The following GRM7 variants were observed in gnomAD, a reference collection of about 807,000 sequenced individuals.
GRM7 encodes glutamate metabotropic receptor 7.
GRM7 carries 35 observed loss-of-function variants against 84.5 expected under a neutral mutation model. The ratio of observed to expected loss-of-function variants is 0.41; its 90% CI spans 0.32 to 0.55. The LOEUF is 0.55. Ranked by LOEUF, GRM7 falls within the 20% of genes least tolerant of loss-of-function variation. GRM7 has a pLI of 0.19. For synonymous variants in GRM7, 487 were observed against 455.1 expected (o/e 1.07, Z -0.89); for missense variants, 1,003 against 1,194.6 (o/e 0.84, Z 2.36).
intron 2 of GRM7, among the ~76,000 whole-genome samples, chr3:7,201,109 A>G (rs917011410): frequency 4.0e-5 from 6 of 151,388 alleles, no homozygotes; most frequent in African/African-American, 9.7e-5. Flanking sequence ...GGCTGGGACT[A>G]CAGACACCCA....
At chr3:7,521,149 G>C (rs567583826) in intron 7 of GRM7, among the ~76,000 whole-genome samples, 5 of 152,318 alleles carry the variant, frequency 3.3e-5, no homozygotes, top group African/African-American at 1.2e-4. Flanking sequence ...TATATTTGTA[G>C]TTTGAGCTTA....
chr3:7,203,546 T>C (rs1696136115), intron 2 of GRM7, among the ~76,000 whole-genome samples: 1 of 152,202 alleles, frequency 6.6e-6, no homozygotes, highest in African/African-American at 2.4e-5. Flanking sequence ...ATAATGCTGC[T>C]CTAAACATGT....
intron 1 of GRM7, among the ~76,000 whole-genome samples, chr3:7,010,497 C>G (rs1018993670): frequency 2.0e-5 from 3 of 152,126 alleles, no homozygotes; most frequent in African/African-American, 7.2e-5. Context: ...CTAAACTGAT[C>G]TAATAGGATT....
intron 2 of GRM7, among the ~76,000 whole-genome samples, chr3:7,161,921 C>A (rs1694636871): frequency 6.6e-6 from 1 of 152,154 alleles, no homozygotes; most frequent in African/African-American, 2.4e-5. Flanking sequence ...GGCTTAGAAA[C>A]AGGGCGAATG....
At chr3:7,040,196 G>A (rs921849566) in intron 1 of GRM7, among the ~76,000 whole-genome samples, 5 of 152,104 alleles carry the variant, frequency 3.3e-5, no homozygotes, top group Non-Finnish European at 4.4e-5. Flanking sequence ...TAGTTCCAGC[G>A]TCTCTACAAC....
At chr3:7,610,476 A>G (rs924227494) in intron 8 of GRM7, among the ~76,000 whole-genome samples, 4 of 152,116 alleles carry the variant, frequency 2.6e-5, no homozygotes, top group African/African-American at 9.7e-5. Flanking sequence ...GTCATAAGGT[A>G]TTTTTCATTT....
chr3:7,495,556 C>A (rs951447844), intron 7 of GRM7, among the ~76,000 whole-genome samples: 2 of 152,068 alleles, frequency 1.3e-5, no homozygotes, highest in Non-Finnish European at 1.5e-5. Context: ...ACTGGTTTGG[C>A]CTTCCCTGCC....
At chr3:7,070,386 C>G (rs374046186) in intron 1 of GRM7, among the ~76,000 whole-genome samples, 2 of 152,092 alleles carry the variant, frequency 1.3e-5, no homozygotes, top group African/African-American at 2.4e-5. Context: ...ATGCTTAACA[C>G]TTTTCTTCTG....
chr3:6,902,083 C>T (rs1190586299), intron 1 of GRM7, among the ~76,000 whole-genome samples: 2 of 152,102 alleles, frequency 1.3e-5, no homozygotes, highest in African/African-American at 4.8e-5. Flanking sequence ...GACTTTATTA[C>T]GAAGTGAGTT....
chr3:7,377,724 C>G (rs1327146441), intron 4 of GRM7, among the ~76,000 whole-genome samples: 2 of 152,032 alleles, frequency 1.3e-5, no homozygotes, highest in African/African-American at 4.8e-5. Flanking sequence ...GTAAAAGACA[C>G]CAATTCTTCA....
At chr3:6,956,537 T>A (rs754178228) in intron 1 of GRM7, 1 of 455,780 alleles carries the variant, frequency 2.2e-6, no homozygotes, top group South Asian at 1.6e-5. Flanking sequence ...CTGTGGCATA[T>A]TTTCCACACT....
At position 7,709,336 on chromosome 3, in the gene GRM7, T is replaced by TCACAAGGAA. The variant is rs762410351; in HGVS notation, c.2698+29041_2698+29042insCACAAGGAA. ...AAACTTTGATAGAAAAATGGCATAGTTTGGAACAGAGAGTTTGGGTCAATA... is the reference window on the plus strand; with the variant it reads ...AAACTTTGATAGAAAAATGGCATAGTCACAAGGAATTGGAACAGAGAGTTTGGGTCAATA... On this transcript the variant is annotated intron_variant, in intron 9 of 9. Coordinates refer to ENST00000357716, the MANE Select transcript of GRM7 (RefSeq NM_000844.4). Among the ~76,000 whole-genome samples, 924 of 152,214 alleles carry TCACAAGGAA rather than the reference T, an allele frequency of 6.1e-3. 11 individuals are homozygous for TCACAAGGAA. Among genetic ancestry groups the TCACAAGGAA allele is most frequent in the Middle Eastern group, 0.02 (6 of 294 alleles).
At chr3:7,148,832 T>G (rs905531048) in intron 2 of GRM7, among the ~76,000 whole-genome samples, 1 of 152,170 alleles carries the variant, frequency 6.6e-6, no homozygotes, top group Non-Finnish European at 1.5e-5. Context: ...TCCTAGAGCC[T>G]TTCCCCTTGA....
chr3:7,500,227 T>G (rs1301601878), intron 7 of GRM7, among the ~76,000 whole-genome samples: 1 of 152,266 alleles, frequency 6.6e-6, no homozygotes, highest in East Asian at 1.9e-4. Context: ...TTTAGCTTCC[T>G]TTTGGTCCAC....
chr3:7,100,577 T>C (rs1699076464), intron 1 of GRM7, among the ~76,000 whole-genome samples: 1 of 151,820 alleles, frequency 6.6e-6, no homozygotes, highest in Non-Finnish European at 1.5e-5. Context: ...GGGCTTGAAT[T>C]TTTATGAGCT....
intron 1 of GRM7, among the ~76,000 whole-genome samples, chr3:6,864,538 G>T (rs1694877649): frequency 6.6e-6 from 1 of 152,154 alleles, no homozygotes; most frequent in South Asian, 2.1e-4. Context: ...GGGATTTCTA[G>T]GTTCAGTTCA....
chr3:7,426,574 T>C (rs751200427), intron 5 of GRM7, among the ~76,000 whole-genome samples: 2 of 152,146 alleles, frequency 1.3e-5, no homozygotes, highest in African/African-American at 2.4e-5. Context: ...GAAGCTCCCA[T>C]CACGATCTAG....
At chr3:7,002,715 G>A (rs971215846) in intron 1 of GRM7, among the ~76,000 whole-genome samples, 15 of 152,082 alleles carry the variant, frequency 9.9e-5, no homozygotes, top group African/African-American at 3.1e-4. Flanking sequence ...ACAACCCAAC[G>A]ATCCAGCAAT....
intron 2 of GRM7, among the ~76,000 whole-genome samples, chr3:7,214,013 A>T (rs1341556917): frequency 1.3e-5 from 2 of 152,024 alleles, no homozygotes; most frequent in Non-Finnish European, 2.9e-5. Context: ...AAATTCTCTT[A>T]TTCTAAACAA....
Sources: allele counts gnomAD v4.1 joint callset (sites outside exome capture counted in the v4.1 genomes callset), GRCh38; gene constraint gnomAD v4.1.1; transcripts MANE v1.5; gene names NCBI Gene and HGNC (gene_info 2026-07-23, HGNC 2026-07-21).